ATG16L1: variants seen among roughly 807,000 people sequenced by gnomAD.
ATG16L1 encodes the protein autophagy related 16 like 1, also known as autophagy-related protein 16-1.
Under a neutral mutation model 88.5 loss-of-function variants are expected in ATG16L1, and 37 were observed. The ratio of observed to expected loss-of-function variants is 0.42; its 90% CI spans 0.32 to 0.55. The LOEUF is 0.55. ATG16L1 is among the 20% of genes least tolerant of loss of function. ATG16L1 has a pLI of 0.13. For missense variants in ATG16L1, 554 were observed against 752.8 expected (o/e 0.74, Z 3.09); for synonymous variants, 301 against 281.0 (o/e 1.07, Z -0.71).
At chr2:233,253,334 TTTTTTG>T (rs1382697638) in intron 1 of ATG16L1, among the ~76,000 whole-genome samples, 4 of 128,202 alleles carry the variant, frequency 3.1e-5, no homozygotes, top group African/African-American at 8.8e-5. Context: ...GAGACTGGGT[TTTTTTG>T]TTTTTTTTTT....
intron 12 of ATG16L1, among the ~76,000 whole-genome samples, chr2:233,284,731 A>G (rs765422766): frequency 2.6e-5 from 4 of 152,146 alleles, no homozygotes; most frequent in Admixed American, 6.5e-5. Flanking sequence ...CGGCCTCCCA[A>G]AGTGCTGGGA....
intron 9 of ATG16L1, chr2:233,275,885 T>A: frequency 1.9e-6 from 1 of 519,208 alleles, no homozygotes; most frequent in Non-Finnish European, 3.8e-6. Context: ...CAGTGTGTGT[T>A]TCTGAGAGTG....
intron 7 of ATG16L1, chr2:233,273,316 T>G (rs1698116731): frequency 2.0e-6 from 1 of 511,302 alleles, no homozygotes; most frequent in Non-Finnish European, 3.5e-6. Flanking sequence ...CAGTGAAACC[T>G]TATTAAGCAG....
Position 233,289,969 on chromosome 2 carries a change from A to C in ATG16L1, c.1319A>C (p.Lys440Thr). ...CTCAAACTCTGGGATCTACGCAGCA[A>C]AGTCTGTGAGGAAATTCAGTCTCTC... is the stretch of plus-strand genomic sequence containing the variant. ...RTLKLWDLRS[K>T]VCIKTVFAGS... The change falls in exon 13 of 18, where the codon AAA becomes ACA. Residue 440 changes from lysine to threonine, a missense_variant. Physicochemically the swap from Lys to Thr is moderately conservative, Grantham distance 78. This residue lies in a region of ATG16L1 where 370 missense variants were observed against 509.7 expected (regional missense o/e 0.73). Coordinates refer to ENST00000392017, the MANE Select transcript of ATG16L1 (RefSeq NM_030803.7). The C allele has an allele frequency of 6.2e-7, 1 of 1,613,778 alleles. No homozygotes were observed. Among genetic ancestry groups the C allele is most frequent in the South Asian group, 1.1e-5 (1 of 91,080 alleles).
At chr2:233,291,785 T>A (rs188196340) in intron 14 of ATG16L1, among the ~76,000 whole-genome samples, 3 of 152,378 alleles carry the variant, frequency 2.0e-5, no homozygotes, top group African/African-American at 7.2e-5. Flanking sequence ...TTGCCAACTT[T>A]ATCCAAAAGT....
At chr2:233,288,441 C>G (rs1378561398) in intron 12 of ATG16L1, among the ~76,000 whole-genome samples, 1 of 152,060 alleles carries the variant, frequency 6.6e-6, no homozygotes, top group African/African-American at 2.4e-5. Context: ...CCCACCACAC[C>G]CAGCTAATTC....
chr2:233,278,393 G>A (rs1359757779), intron 10 of ATG16L1, among the ~76,000 whole-genome samples: 1 of 152,148 alleles, frequency 6.6e-6, no homozygotes, highest in African/African-American at 2.4e-5. Flanking sequence ...GGTTTTTAAC[G>A]GGAACCACTT....
chr2:233,281,403 T>C (rs7587633), intron 11 of ATG16L1, among the ~76,000 whole-genome samples: 105,425 of 152,052 alleles, frequency 0.69, 36,845 homozygotes, highest in South Asian at 0.78. Flanking sequence ...ACTCAGTACT[T>C]TGTATAATTT....
At chr2:233,279,790 G>A (rs1344954070) in intron 10 of ATG16L1, among the ~76,000 whole-genome samples, 1 of 151,916 alleles carries the variant, frequency 6.6e-6, no homozygotes, top group Non-Finnish European at 1.5e-5. Context: ...ATAATTAAGA[G>A]TTTTAATACG....
At chr2:233,283,166 C>G (rs1698829787) in intron 12 of ATG16L1, among the ~76,000 whole-genome samples, 1 of 152,046 alleles carries the variant, frequency 6.6e-6, no homozygotes, top group Non-Finnish European at 1.5e-5. Flanking sequence ...AACAAAAACT[C>G]CAAGCTGAGA....
intron 2 of ATG16L1, among the ~76,000 whole-genome samples, chr2:233,261,415 A>C (rs1158790885): frequency 1.3e-5 from 2 of 152,096 alleles, no homozygotes; most frequent in African/African-American, 2.4e-5. Flanking sequence ...GAGATTTGAT[A>C]ATTATTCTGC....
chr2:233,273,196 G>A (rs945517373), intron 7 of ATG16L1, 144 bp downstream of exon 7: 2 of 645,618 alleles, frequency 3.1e-6, no homozygotes, highest in Non-Finnish European at 5.5e-6. Flanking sequence ...ACACCACAGA[G>A]GTGTCCAGTC....
intron 4 of ATG16L1, 42 bp downstream of exon 4, chr2:233,264,107 C>T: frequency 6.2e-7 from 1 of 1,604,846 alleles, no homozygotes; most frequent in East Asian, 2.2e-5. Flanking sequence ...GTCATTGGGT[C>T]CCATGTCCTT....
chr2:233,262,400 C>T (rs1697276525), intron 2 of ATG16L1, among the ~76,000 whole-genome samples: 4 of 152,222 alleles, frequency 2.6e-5, no homozygotes, highest in Admixed American at 2.6e-4. Flanking sequence ...AGCTTCCCTT[C>T]ACGCCTAGTA....
intron 1 of ATG16L1, among the ~76,000 whole-genome samples, chr2:233,252,395 A>G (rs1362477029): frequency 6.6e-6 from 1 of 151,254 alleles, no homozygotes; most frequent in South Asian, 2.1e-4. Flanking sequence ...GGGAAACGGG[A>G]TAGGGGATCA....
chr2:233,265,257 T>C, intron 5 of ATG16L1, 114 bp downstream of exon 5: 1 of 1,346,344 alleles, frequency 7.4e-7, no homozygotes, highest in Non-Finnish European at 1.0e-6. Flanking sequence ...CAGGGAATTC[T>C]TTCAGTGTTT....
chr2:233,264,892 A>G lies in ATG16L1; in HGVS notation c.390A>G (p.Lys130=), dbSNP rs755840227. ...TCGTCCTCTGATGTCATGCTTCCAG[A>G]ATTGCAGAATGTTTGCAGACTATCT... is the stretch of plus-strand genomic sequence containing the variant. ...KDREMQMNEA[K]IAECLQTISD... is the part of the protein sequence containing the mutation. The change falls in exon 5 of 18, where the codon AAA becomes AAG. Residue 130 remains lysine (K), a splice_region_variant and synonymous_variant. Coordinates refer to ENST00000392017, the MANE Select transcript of ATG16L1 (RefSeq NM_030803.7). The G allele has an allele frequency of 3.7e-6, 6 of 1,613,792 alleles. No homozygotes were observed. The East Asian group carries it at 1.1e-4, about 30-fold the overall frequency.
chr2:233,278,484 C>G (rs181541715), intron 10 of ATG16L1, among the ~76,000 whole-genome samples: 2 of 152,278 alleles, frequency 1.3e-5, no homozygotes, highest in East Asian at 3.9e-4. Flanking sequence ...TCTGTTAATT[C>G]CCCTGATCAT....
intron 4 of ATG16L1, among the ~76,000 whole-genome samples, chr2:233,264,642 T>TA (rs1401322837): frequency 6.6e-6 from 1 of 152,160 alleles, no homozygotes; most frequent in Non-Finnish European, 1.5e-5. Context: ...AGCCTCCTTT[T>TA]AAATCCCCTT....
Sources: allele counts gnomAD v4.1 joint callset (sites outside exome capture counted in the v4.1 genomes callset), GRCh38; gene constraint gnomAD v4.1.1; regional missense constraint gnomAD v4.1.1; transcripts MANE v1.5; gene names NCBI Gene and HGNC (gene_info 2026-07-23, HGNC 2026-07-21).